Variants in CYP4A22 observed in about 807,000 individuals in gnomAD.
CYP4A22 encodes the protein cytochrome P450 family 4 subfamily A member 22.
CYP4A22 carries 46 observed loss-of-function variants against 56.2 expected under a neutral mutation model. That is an observed-to-expected ratio of 0.82 (90% CI 0.65 to 1.05). The LOEUF is 1.05. Ranked by LOEUF, CYP4A22 falls within the 50% of genes least tolerant of loss-of-function variation. The probability of loss-of-function intolerance (pLI) is 0.00; values close to 1 mark genes in which losing one functional copy is unlikely to be tolerated. For missense variants in CYP4A22, 541 were observed against 645.9 expected, an observed-to-expected ratio of 0.84 and a Z score of 1.76; for synonymous variants, 193 against 251.1, an observed-to-expected ratio of 0.77 and a Z score of 2.19.
rs1243200583 is a variant in CYP4A22, at chr1:47,145,922, A to G, written c.1279A>G (p.Asn427Asp). 74 of 1,613,994 alleles carry G rather than the reference A, an allele frequency of 4.6e-5. No homozygotes were observed. The highest frequency in any genetic ancestry group is 6.1e-5 in the Non-Finnish European group (72 of 1,180,016). ...GLHHNPKVWP[N>D]LEVFDPSRFA... ...TCACCACAACCCAAAAGTGTGGCCC[A>G]ACCTAGAGGTATGTGGTCCTTGAGA... Residue 427 changes from asparagine (N) to aspartate (D), a missense_variant, in exon 10 of 12, where the codon AAC becomes GAC. By Grantham distance (23) the Asn-to-Asp change is conservative. Coordinates refer to ENST00000371891, the MANE Select transcript of CYP4A22 (RefSeq NM_001010969.4).
chr1:47,146,020 G>A (rs1645072142), intron 10 of CYP4A22, 57 bp from the exon 11 acceptor site: 1 of 1,614,118 alleles, frequency 6.2e-7, no homozygotes, highest in Non-Finnish European at 8.5e-7. Flanking sequence ...GTACCCTCAT[G>A]GGTGGCAAGT....
At chr1:47,145,778 T>G (rs1645068977) in intron 9 of CYP4A22, 88 bp from the exon 10 acceptor site, 7 of 1,565,178 alleles carry the variant, frequency 4.5e-6, no homozygotes, top group Admixed American at 1.8e-5. Flanking sequence ...GTAGGTGTTT[T>G]GGGCCTTCTT....
intron 11 of CYP4A22, chr1:47,146,944 C>A: frequency 1.0e-6 from 1 of 985,372 alleles, no homozygotes; most frequent in Non-Finnish European, 1.2e-6. Flanking sequence ...TATCATATAA[C>A]GCACAACATT....
At chr1:47,137,833 A>G (rs1644961275) in intron 1 of CYP4A22, among the ~76,000 whole-genome samples, 153 bp downstream of exon 1, 4 of 152,162 alleles carry the variant, frequency 2.6e-5, no homozygotes, top group Admixed American at 2.6e-4. Context: ...AGCTTGTCCC[A>G]GTCATGAGGA....
intron 1 of CYP4A22, among the ~76,000 whole-genome samples, chr1:47,138,401 C>G (rs921281203): frequency 1.5e-4 from 23 of 152,162 alleles, no homozygotes; most frequent in African/African-American, 5.1e-4. Context: ...GACCTCCTGG[C>G]TCTCCTCCCA....
At chr1:47,145,012 G>T in intron 9 of CYP4A22, 42 bp downstream of exon 9, 1 of 1,609,006 alleles carries the variant, frequency 6.2e-7, no homozygotes, top group Non-Finnish European at 8.5e-7. Flanking sequence ...TCTCCACGGG[G>T]ACGTGTGGAG....
intron 11 of CYP4A22, chr1:47,147,309 A>G: frequency 1.0e-6 from 1 of 985,478 alleles, no homozygotes. Flanking sequence ...CTCCATTTCT[A>G]GCTCAGAACT....
Position 47,141,625 on chromosome 1 carries a change from C to A in CYP4A22, c.382+10C>A. 1 of 1,613,252 alleles carries A rather than the reference C, an allele frequency of 6.2e-7. No homozygotes were observed. Among genetic ancestry groups the A allele is most frequent in the Non-Finnish European group, 8.5e-7 (1 of 1,179,458 alleles). ...CTGGCTCCACGGATTGGTATGTGTG[C>A]AAACTAGGACTGCAGCCCACTCCCT... On this transcript the variant is annotated intron_variant, in intron 3 of 11. Coordinates refer to ENST00000371891, the MANE Select transcript of CYP4A22 (RefSeq NM_001010969.4).
intron 11 of CYP4A22, 48 bp downstream of exon 11, chr1:47,146,201 C>T: frequency 6.2e-7 from 1 of 1,613,986 alleles, no homozygotes; most frequent in Non-Finnish European, 8.5e-7. Flanking sequence ...AGGGAAGTCT[C>T]TGGTCAACCC....
chr1:47,147,682 G>A (rs1434237686), intron 11 of CYP4A22, among the ~76,000 whole-genome samples: 15 of 152,190 alleles, frequency 9.9e-5, no homozygotes, highest in Admixed American at 9.8e-4. Flanking sequence ...CAGCTGGGCT[G>A]TGACTTTAGC....
chr1:47,145,918 G>T lies in CYP4A22; in HGVS notation c.1275G>T (p.Trp425Cys). 1 of 1,614,098 alleles carries T rather than the reference G, an allele frequency of 6.2e-7. No homozygotes were observed. The highest frequency in any genetic ancestry group is 8.5e-7 in the Non-Finnish European group (1 of 1,180,006). ...GCCTTCACCACAACCCAAAAGTGTG[G>T]CCCAACCTAGAGGTATGTGGTCCTT... is the stretch of plus-strand genomic sequence containing the variant. ...IYGLHHNPKV[W>C]PNLEVFDPSR... is the part of the protein sequence containing the mutation. The change falls in exon 10 of 12, where the codon TGG (tryptophan) becomes TGT (cysteine). Residue 425 changes from tryptophan to cysteine, a missense_variant. Around this residue, in one of 3 missense-constraint regions of CYP4A22, gnomAD observed 204 missense variants for 258.9 expected, o/e 0.79. Coordinates refer to ENST00000371891, the MANE Select transcript of CYP4A22 (RefSeq NM_001010969.4).
In CYP4A22 at chr1:47,144,873, C is replaced by T; in HGVS notation, c.1125C>T (p.Cys375=). The T allele has an allele frequency of 1.2e-6, 2 of 1,614,132 alleles. No homozygotes were observed. The highest frequency in any genetic ancestry group is 1.7e-6 in the Non-Finnish European group (2 of 1,180,008). ...HLDQMPYTTM[C]IKEALRLYPP... is the part of the protein sequence containing the mutation. ...ACCAGATGCCCTACACCACCATGTG[C>T]ATTAAGGAGGCACTGAGGCTCTACC... Residue 375 remains cysteine, a synonymous_variant, in exon 9 of 12, where the codon TGC becomes TGT. Transcript: ENST00000371891.
chr1:47,142,590 G>A (rs578007598), intron 4 of CYP4A22, among the ~76,000 whole-genome samples: 1 of 152,330 alleles, frequency 6.6e-6, no homozygotes, highest in South Asian at 2.1e-4. Context: ...CAGCTTCAGT[G>A]GCAGCATGGA....
intron 1 of CYP4A22, among the ~76,000 whole-genome samples, chr1:47,139,614 C>A (rs1475170700): frequency 6.6e-6 from 1 of 152,200 alleles, no homozygotes. Flanking sequence ...ACACTGGGCA[C>A]ATAGTATGTG....
intron 1 of CYP4A22, 79 bp downstream of exon 1, chr1:47,137,759 CA>C (rs1273802330): frequency 6.6e-7 from 1 of 1,513,214 alleles, no homozygotes; most frequent in Non-Finnish European, 8.8e-7. Context: ...ATCCATAGAG[CA>C]AAGCCTTGTT....
At chr1:47,147,214 T>G (rs1645085915) in intron 11 of CYP4A22, 1 of 985,366 alleles carries the variant, frequency 1.0e-6, no homozygotes, top group Non-Finnish European at 1.2e-6. Context: ...AGCACTGGTC[T>G]GTCTATCCCA....
At chr1:47,142,966 C>T (rs1645029410) in intron 4 of CYP4A22, among the ~76,000 whole-genome samples, 2 of 152,206 alleles carry the variant, frequency 1.3e-5, no homozygotes, top group Admixed American at 6.5e-5. Context: ...ACAATAACAA[C>T]AAAATTTTCA....
chr1:47,138,778 C>T (rs180780985), intron 1 of CYP4A22, among the ~76,000 whole-genome samples: 1 of 152,292 alleles, frequency 6.6e-6, no homozygotes, highest in East Asian at 1.9e-4. Flanking sequence ...AAAGGAGCAG[C>T]AAGAGGGCTG....
At position 47,144,635 on chromosome 1, in the gene CYP4A22, G is replaced by C; in HGVS notation, c.983G>C (p.Ser328Thr). ...TTTGAGGGCCACGACACCACAGCCA[G>C]TGGGATCTCCTGGATCCTCTATGCT... ...FMFEGHDTTA[S>T]GISWILYALA... The change falls in exon 8 of 12, where the codon AGT becomes ACT. Residue 328 changes from serine to threonine, a missense_variant. Physicochemically the swap from Ser to Thr is moderately conservative, Grantham distance 58 (BLOSUM62 1). This residue lies in a region of CYP4A22 where 204 missense variants were observed against 258.9 expected (regional missense o/e 0.79). Coordinates refer to ENST00000371891, the MANE Select transcript of CYP4A22 (RefSeq NM_001010969.4). 3 of 1,613,980 alleles carry C rather than the reference G, an allele frequency of 1.9e-6. No homozygotes were observed. The highest frequency in any genetic ancestry group is 2.5e-6 in the Non-Finnish European group (3 of 1,179,882).
Sources: gnomAD v4.1 joint callset for allele counts (sites outside exome capture counted in the v4.1 genomes callset) on GRCh38, gnomAD v4.1.1 for gene constraint, gnomAD v4.1.1 regional missense constraint, MANE v1.5 for transcripts, NCBI Gene and HGNC (gene_info 2026-07-23, HGNC 2026-07-21) for gene names.